Variants in EPS15L1 observed in about 807,000 individuals in gnomAD.
EPS15L1 encodes the protein epidermal growth factor receptor pathway substrate 15 like 1.
In EPS15L1, 43 loss-of-function variants were observed where a neutral mutation model predicts 117.1. That is an observed-to-expected ratio of 0.37 (90% CI 0.29 to 0.47). The LOEUF is 0.47. Ranked by LOEUF, EPS15L1 falls within the 20% of genes least tolerant of loss-of-function variation. EPS15L1 has a pLI of 0.99. For missense variants in EPS15L1, 981 were observed against 1,164.0 expected (o/e 0.84, Z 2.29); for synonymous variants, 459 against 470.5 (o/e 0.98, Z 0.32).
In EPS15L1 at chr19:16,355,356, T is replaced by G; in HGVS notation, c.*349A>C. 8.3e-6 allele frequency: 2 copies of G among 240,292 alleles called. No individual in the cohort carries two copies. The highest frequency in any genetic ancestry group is 1.6e-5 in the Non-Finnish European group (2 of 124,668). 14.9% of individuals were successfully genotyped at this position (240,292 alleles called of 1,614,324 possible). A position where few individuals can be genotyped will look rare whatever the true frequency, so the allele number is the denominator to read the frequency against. ...ATGCGTGGGAGGGCGGGTGGGGATG[T>G]CTGCAGCTATGAGTAGGGAGGAGGC... On this transcript the variant is annotated 3_prime_UTR_variant, in exon 24 of 24. Transcript: ENST00000455140.
chr19:16,437,710 TACACAC>T, intron 5 of EPS15L1, 54 bp downstream of exon 5: 3 of 1,146,028 alleles, frequency 2.6e-6, no homozygotes, highest in Non-Finnish European at 2.6e-6. Flanking sequence ...CACATGCACA[TACACAC>T]ACACACACAT....
At chr19:16,465,870 A>G (rs911194258) in intron 1 of EPS15L1, among the ~76,000 whole-genome samples, 2 of 152,218 alleles carry the variant, frequency 1.3e-5, no homozygotes, top group African/African-American at 2.4e-5. Flanking sequence ...TTCCAAGACA[A>G]GAAACTATGG....
chr19:16,442,791 G>A (rs540393281), intron 1 of EPS15L1, among the ~76,000 whole-genome samples: 20 of 152,340 alleles, frequency 1.3e-4, no homozygotes, highest in Admixed American at 1.1e-3. Context: ...AAGGAAGGAA[G>A]TGCAGTGTCC....
At chr19:16,470,185 G>A (rs1220871856) in intron 1 of EPS15L1, among the ~76,000 whole-genome samples, 1 of 151,848 alleles carries the variant, frequency 6.6e-6, no homozygotes, top group Non-Finnish European at 1.5e-5. Context: ...AGTTTGACAC[G>A]AGCCTCGCCA....
At chr19:16,401,156 A>G in intron 16 of EPS15L1, 1 of 985,394 alleles carries the variant, frequency 1.0e-6, no homozygotes, top group Non-Finnish European at 1.2e-6. Flanking sequence ...CCTCATTACG[A>G]GTCCACGAGA....
At chr19:16,421,216 G>C (rs1345083170) in intron 10 of EPS15L1, 103 bp downstream of exon 10, 4 of 1,306,366 alleles carry the variant, frequency 3.1e-6, no homozygotes, top group Non-Finnish European at 2.1e-6. Flanking sequence ...GCGGAAGCCT[G>C]TGACAGGCTG....
chr19:16,428,184 G>A (rs1269465919), intron 8 of EPS15L1, among the ~76,000 whole-genome samples: 2 of 144,782 alleles, frequency 1.4e-5, no homozygotes, highest in Non-Finnish European at 3.0e-5. Flanking sequence ...CTGTGTGACA[G>A]AGCAAGACTC....
chr19:16,471,955 GACTC>G lies in EPS15L1; in HGVS notation c.-14_-11del. On this transcript the variant is annotated 5_prime_UTR_variant, in exon 1 of 24. Transcript: ENST00000455140. This position sits in a 1 kb window ranked among gnomAD's most constrained non-coding sequence, Gnocchi z 4.8. The stretch of plus-strand genomic sequence containing the variant: ...TGAGCGGCGCCGCCATCTTCCCGCG[GACTC>G]GGGCTCCGAGCGCCGGGGGAACGGG... The G allele has an allele frequency of 7.8e-7, 1 of 1,286,880 alleles. No individual in the cohort carries two copies. Among genetic ancestry groups the G allele is most frequent in the Non-Finnish European group, 9.8e-7 (1 of 1,017,932 alleles). The allele number at this position is 1,286,880 out of a possible 1,614,324, so 79.7% of individuals were successfully genotyped here.
chr19:16,435,641 G>A (rs990479051), intron 6 of EPS15L1, among the ~76,000 whole-genome samples: 1 of 150,654 alleles, frequency 6.6e-6, no homozygotes, highest in African/African-American at 2.5e-5. Flanking sequence ...GAAGCTGAGC[G>A]CTGCAGGTCT....
At chr19:16,444,349 C>T (rs2093062955) in intron 1 of EPS15L1, among the ~76,000 whole-genome samples, 1 of 152,172 alleles carries the variant, frequency 6.6e-6, no homozygotes, top group Non-Finnish European at 1.5e-5. Flanking sequence ...CCCAAGATGG[C>T]TGCCCCCCTC....
At chr19:16,469,818 C>T (rs2093333269) in intron 1 of EPS15L1, among the ~76,000 whole-genome samples, 1 of 152,108 alleles carries the variant, frequency 6.6e-6, no homozygotes, top group South Asian at 2.1e-4. Context: ...CAGCCACCTG[C>T]TGCAGGGTGC....
intron 19 of EPS15L1, among the ~76,000 whole-genome samples, chr19:16,390,329 C>T (rs2092463387): frequency 6.6e-6 from 1 of 152,106 alleles, no homozygotes. Flanking sequence ...TCATAAACAC[C>T]TATGCACCTG....
intron 16 of EPS15L1, among the ~76,000 whole-genome samples, chr19:16,397,687 T>C (rs897912042): frequency 6.6e-6 from 1 of 150,426 alleles, no homozygotes; most frequent in African/African-American, 2.4e-5. Flanking sequence ...ATGCTTTGCA[T>C]TTTTTTTTTA....
intron 21 of EPS15L1, among the ~76,000 whole-genome samples, chr19:16,378,278 C>T (rs948854745): frequency 5.3e-5 from 8 of 152,008 alleles, no homozygotes; most frequent in African/African-American, 1.9e-4. Context: ...CATCGCTGCC[C>T]CAGCTGCCTG....
chr19:16,430,759 G>A (rs1011225868), intron 7 of EPS15L1, among the ~76,000 whole-genome samples: 3 of 152,220 alleles, frequency 2.0e-5, no homozygotes, highest in South Asian at 2.1e-4. Context: ...ATGACAGCAC[G>A]GATGCAAGTG....
At position 16,365,592 on chromosome 19, in the gene EPS15L1, C is replaced by A. The variant is rs2092122955; in HGVS notation, c.2381-3608G>T. Among the ~76,000 whole-genome samples the A allele has an allele frequency of 6.6e-6, 1 of 152,218 alleles. No homozygotes were observed. The highest frequency in any genetic ancestry group is 2.4e-5 in the African/African-American group (1 of 41,458). ...CACCAAAGCCACCGGCAGGGGCACC[C>A]TGGGGGACAGTGTGACAGTGTCCTG... On this transcript the variant is annotated intron_variant, in intron 22 of 23. Transcript: ENST00000455140. The surrounding 1 kb of genome is among the most constrained non-coding windows in gnomAD (Gnocchi z 4.9).
chr19:16,415,954 G>C (rs1403957106), intron 12 of EPS15L1, among the ~76,000 whole-genome samples: 1 of 152,206 alleles, frequency 6.6e-6, no homozygotes, highest in East Asian at 1.9e-4. Context: ...CGCCAGTTTG[G>C]ATAACACGGC....
At chr19:16,398,903 C>T (rs1214080247) in intron 16 of EPS15L1, among the ~76,000 whole-genome samples, 11 of 152,228 alleles carry the variant, frequency 7.2e-5, no homozygotes, top group African/African-American at 2.4e-5. Flanking sequence ...CTCAAGGATC[C>T]TCCTGCTTCA....
At chr19:16,388,790 G>A (rs1213326258) in intron 19 of EPS15L1, among the ~76,000 whole-genome samples, 3 of 152,110 alleles carry the variant, frequency 2.0e-5, no homozygotes, top group South Asian at 2.1e-4. Context: ...TCACGCCACT[G>A]CACTCCAGCC....
Sources: gnomAD v4.1 joint callset for allele counts (sites outside exome capture counted in the v4.1 genomes callset) on GRCh38, gnomAD v4.1.1 for gene constraint, Gnocchi (gnomAD v3.1) non-coding constraint, MANE v1.5 for transcripts, NCBI Gene and HGNC (gene_info 2026-07-23, HGNC 2026-07-21) for gene names.